The following C6 variants were observed in gnomAD, a reference collection of about 807,000 sequenced individuals.
C6 encodes complement C6, also known as complement component C6.
A neutral mutation model predicts 112.9 loss-of-function variants in C6; 101 were observed. That is an observed-to-expected ratio of 0.89 (90% confidence interval 0.76 to 1.06). The LOEUF is 1.06. Ranked by LOEUF, C6 falls within the 50% of genes least tolerant of loss-of-function variation. The probability of loss-of-function intolerance (pLI) is 0.00; values close to 1 mark genes in which losing one functional copy is unlikely to be tolerated. For synonymous variants in C6, 431 were observed against 384.1 expected (o/e 1.12, Z -1.43); for missense variants, 1,202 against 1,104.6 (o/e 1.09, Z -1.25).
At chr5:41,162,421 G>C (rs542299952) in intron 9 of C6, among the ~76,000 whole-genome samples, 2 of 152,292 alleles carry the variant, frequency 1.3e-5, no homozygotes, top group Non-Finnish European at 2.9e-5. Flanking sequence ...TTTAAAGACA[G>C]AGGTGAAAGC....
Position 41,142,524 on chromosome 5 carries a change from G to T in C6, c.*301C>A. 1 of 374,588 alleles carries T rather than the reference G, an allele frequency of 2.7e-6. No homozygotes were observed. The highest frequency in any genetic ancestry group is 5.0e-6 in the Non-Finnish European group (1 of 201,290). 23.2% of individuals were successfully genotyped at this position (374,588 alleles called of 1,614,324 possible). A position where few individuals can be genotyped will look rare whatever the true frequency, so the allele number is the denominator to read the frequency against. ...AATTGCGAGAATGCTTAATGTCACA[G>T]GCTACATAAGGGCCTCAGAAGTCAC... On this transcript the variant is annotated 3_prime_UTR_variant, in exon 18 of 18. Coordinates refer to ENST00000337836, the MANE Select transcript of C6 (RefSeq NM_000065.5).
At chr5:41,204,396 T>C (rs1237638196) in intron 1 of C6, among the ~76,000 whole-genome samples, 2 of 152,174 alleles carry the variant, frequency 1.3e-5, no homozygotes, top group East Asian at 1.9e-4. Context: ...ATAGTAGCTG[T>C]TGGTCACACA....
intron 1 of C6, among the ~76,000 whole-genome samples, chr5:41,250,892 G>C (rs987225867): frequency 6.6e-6 from 1 of 152,188 alleles, no homozygotes; most frequent in African/African-American, 2.4e-5. Context: ...AATAATTTTA[G>C]TGTAATGTGA....
chr5:41,172,320 C>G lies in C6; in HGVS notation c.1196G>C (p.Cys399Ser). The change falls in exon 9 of 18, where the codon TGT (cysteine) becomes TCT (serine). Residue 399 changes from cysteine (C) to serine (S), a missense_variant. Transcript: ENST00000337836. ...GCGTTTCTTTGTTTCAATCCTGACA[C>G]AGTGTTTGGCTTCTTCCTCGGTTAA... is the stretch of plus-strand genomic sequence containing the variant. Reference protein sequence around the residue: ...SGLTEEEAKHCVRIETKKRVL... With the variant: ...SGLTEEEAKHSVRIETKKRVL... 2 of 1,613,650 alleles carry G rather than the reference C, an allele frequency of 1.2e-6. No individual in the cohort carries two copies. Among genetic ancestry groups the G allele is most frequent in the South Asian group, 1.1e-5 (1 of 91,070 alleles).
chr5:41,153,466 T>A (rs1375642908), intron 15 of C6, among the ~76,000 whole-genome samples: 6 of 152,180 alleles, frequency 3.9e-5, no homozygotes, highest in African/African-American at 1.4e-4. Flanking sequence ...ATTATTATGA[T>A]CAGGAGTCTA....
intron 1 of C6, among the ~76,000 whole-genome samples, chr5:41,234,916 T>C (rs1019924988): frequency 1.3e-5 from 2 of 152,104 alleles, no homozygotes. Context: ...TAATGAGACT[T>C]TATTAATTTG....
upstream of C6, among the ~76,000 whole-genome samples, chr5:41,213,878 A>G (rs564097666): frequency 2.0e-5 from 3 of 152,332 alleles, no homozygotes; most frequent in Middle Eastern, 3.4e-3. Flanking sequence ...AAAAGAATCT[A>G]CAAACATTAG....
At chr5:41,151,665 G>A (rs1250691108) in intron 15 of C6, among the ~76,000 whole-genome samples, 14 of 152,148 alleles carry the variant, frequency 9.2e-5, no homozygotes, top group Non-Finnish European at 1.9e-4. Context: ...GGAGAGTGCA[G>A]TGTGAGGCGA....
intron 15 of C6, 41 bp downstream of exon 15, chr5:41,153,769 C>A (rs756576182): frequency 6.8e-7 from 1 of 1,462,582 alleles, no homozygotes; most frequent in East Asian, 2.3e-5. Context: ...TCTCAGGGTG[C>A]ACCACCTTAT....
At chr5:41,193,308 C>T (rs569618707) in intron 5 of C6, among the ~76,000 whole-genome samples, 1 of 152,202 alleles carries the variant, frequency 6.6e-6, no homozygotes, top group African/African-American at 2.4e-5. Context: ...GCAGACCATG[C>T]CTGAGAAATC....
At chr5:41,162,704 T>G (rs944648684) in intron 9 of C6, among the ~76,000 whole-genome samples, 5 of 152,194 alleles carry the variant, frequency 3.3e-5, no homozygotes, top group African/African-American at 1.2e-4. Context: ...GAATTAGCTA[T>G]GATCCCACTA....
intron 8 of C6, among the ~76,000 whole-genome samples, chr5:41,175,797 C>A (rs1748790915): frequency 6.6e-6 from 1 of 152,150 alleles, no homozygotes. Context: ...TTTGCAGTAG[C>A]AGAAGACATC....
intron 1 of C6, among the ~76,000 whole-genome samples, chr5:41,242,363 C>T (rs1740771690): frequency 6.6e-6 from 1 of 152,172 alleles, no homozygotes; most frequent in African/African-American, 2.4e-5. Context: ...GAAGAAGGTG[C>T]CTGCCTCTCC....
At position 41,199,816 on chromosome 5, in the gene C6, A is replaced by C; in HGVS notation, c.397T>G (p.Cys133Gly). ...AFQPCIPSKLCKIEEADCKNK... is the reference protein window; with the variant it reads ...AFQPCIPSKLGKIEEADCKNK... ...TTGCAGTCAGCCTCTTCAATTTTGC[A>C]GAGCTTAGATGGAATGCATGGTTGA... Residue 133 changes from cysteine (C) to glycine (G), a missense_variant, in exon 4 of 18, where the codon TGC becomes GGC. Transcript: ENST00000337836. 1 of 1,613,808 alleles carries C rather than the reference A, an allele frequency of 6.2e-7. No individual in the cohort carries two copies. Among genetic ancestry groups the C allele is most frequent in the Non-Finnish European group, 8.5e-7 (1 of 1,179,746 alleles).
intron 9 of C6, among the ~76,000 whole-genome samples, chr5:41,162,577 A>G (rs10473235): frequency 0.16 from 23,813 of 150,968 alleles, 1,920 homozygotes; most frequent in East Asian, 0.33. Flanking sequence ...TGGTAACTCT[A>G]ACTAACAGGG....
At chr5:41,188,789 A>G (rs933436076) in intron 5 of C6, among the ~76,000 whole-genome samples, 1 of 152,046 alleles carries the variant, frequency 6.6e-6, no homozygotes, top group African/African-American at 2.4e-5. Flanking sequence ...ACCAGAATTA[A>G]AAACTTTAGT....
intron 1 of C6, among the ~76,000 whole-genome samples, chr5:41,220,972 G>A: frequency 6.6e-6 from 1 of 151,376 alleles, no homozygotes; most frequent in East Asian, 1.9e-4. Context: ...TACATTCTTG[G>A]CAGTTTAATT....
intron 1 of C6, among the ~76,000 whole-genome samples, chr5:41,238,239 A>G (rs1259030827): frequency 7.2e-6 from 1 of 138,044 alleles, no homozygotes; most frequent in Non-Finnish European, 1.5e-5. Flanking sequence ...TTTAAAGTTC[A>G]TATGGAACCA....
intron 15 of C6, among the ~76,000 whole-genome samples, chr5:41,150,941 G>A (rs1051357747): frequency 6.6e-6 from 1 of 151,700 alleles, no homozygotes; most frequent in Non-Finnish European, 1.5e-5. Context: ...AAAGAACCCA[G>A]TGTGGTTGAA....
Sources: gnomAD v4.1 joint callset for allele counts (sites outside exome capture counted in the v4.1 genomes callset) on GRCh38, gnomAD v4.1.1 for gene constraint, MANE v1.5 for transcripts, NCBI Gene and HGNC (gene_info 2026-07-23, HGNC 2026-07-21) for gene names.